The following ZSCAN5A variants were observed in gnomAD, a reference collection of about 807,000 sequenced individuals.
ZSCAN5A encodes the protein zinc finger and SCAN domain-containing protein 5A.
ZSCAN5A carries 12 observed loss-of-function variants against 23.7 expected under a neutral mutation model. That is an observed-to-expected ratio of 0.51 (90% CI 0.32 to 0.82). The LOEUF (loss-of-function observed/expected upper bound fraction) is 0.82, where lower values mean the gene tolerates loss of function less well. Ranked by LOEUF, ZSCAN5A falls within the 40% of genes least tolerant of loss-of-function variation. ZSCAN5A has a pLI of 0.03. For synonymous variants in ZSCAN5A, 257 were observed against 239.9 expected, an observed-to-expected ratio of 1.07 and a Z score of -0.66; for missense variants, 597 against 617.9, an observed-to-expected ratio of 0.97 and a Z score of 0.36.
chr19:56,346,969 C>T (rs1025630919), intron 2 of ZSCAN5A: 6 of 152,358 alleles, frequency 3.9e-5, no homozygotes, highest in African/African-American at 9.6e-5. Context: ...CCTCGTTATC[C>T]GCCTGCCTCG....
intron 2 of ZSCAN5A, among the ~76,000 whole-genome samples, chr19:56,240,380 G>A (rs973261194): frequency 6.6e-6 from 1 of 152,142 alleles, no homozygotes; most frequent in Non-Finnish European, 1.5e-5. Context: ...CACCTAAAAT[G>A]GATTACGTGG....
At chr19:56,340,383 T>C (rs1038283219) in intron 2 of ZSCAN5A, among the ~76,000 whole-genome samples, 3 of 152,198 alleles carry the variant, frequency 2.0e-5, no homozygotes, top group Non-Finnish European at 4.4e-5. Context: ...GAAGCAGAGT[T>C]CTAAGGTTAG....
intron 2 of ZSCAN5A, among the ~76,000 whole-genome samples, chr19:56,256,100 A>G (rs1223923207): frequency 6.6e-6 from 1 of 152,274 alleles, no homozygotes; most frequent in Non-Finnish European, 1.5e-5. Flanking sequence ...AAGAACAGTC[A>G]GGAGGAAATG....
At chr19:56,276,699 G>A (rs112311939) in intron 2 of ZSCAN5A, among the ~76,000 whole-genome samples, 109 of 151,828 alleles carry the variant, frequency 7.2e-4, no homozygotes, top group African/African-American at 2.5e-3. Context: ...CACCATGCCC[G>A]GCTAATTTTG....
At chr19:56,355,572 C>T (rs1379002139) in intron 2 of ZSCAN5A, among the ~76,000 whole-genome samples, 2 of 148,378 alleles carry the variant, frequency 1.3e-5, no homozygotes, top group East Asian at 1.9e-4. Context: ...CAACAATAGC[C>T]CAAGACCAAG....
At chr19:56,336,896 C>T (rs1311848665) in intron 2 of ZSCAN5A, among the ~76,000 whole-genome samples, 4 of 152,154 alleles carry the variant, frequency 2.6e-5, no homozygotes, top group East Asian at 1.9e-4. Flanking sequence ...TGCAGAACAG[C>T]GGATATTGGT....
At chr19:56,274,375 A>C (rs2038090008) in intron 2 of ZSCAN5A, 1 of 151,474 alleles carries the variant, frequency 6.6e-6, no homozygotes, top group African/African-American at 2.4e-5. Context: ...AATCGCTTGA[A>C]CTCAGGAGGT....
In ZSCAN5A at chr19:56,352,336, G is replaced by A. The variant is rs1422753176; in HGVS notation, c.-358+10899C>T. ...CATAATGCAAATGAATGTGATTACT[G>A]GGGCACTGTAGAGACAGAGAGAGAC... On this transcript the variant is annotated intron_variant, in intron 2 of 6. Coordinates refer to the ZSCAN5A transcript ENST00000587340. This position sits in a 1 kb window ranked among gnomAD's most constrained non-coding sequence, Gnocchi z 4.2. 6.6e-6 allele frequency among the ~76,000 whole-genome samples: 1 copy of A among 152,166 alleles called. No homozygotes were observed. Among genetic ancestry groups the A allele is most frequent in the Non-Finnish European group, 1.5e-5 (1 of 68,040 alleles).
intron 2 of ZSCAN5A, among the ~76,000 whole-genome samples, chr19:56,280,398 C>G (rs1023753304): frequency 1.3e-5 from 2 of 152,132 alleles, no homozygotes; most frequent in Admixed American, 1.3e-4. Context: ...TTTAAATAAT[C>G]CTTCAAAGAA....
At chr19:56,237,765 T>C (rs1208359188) in intron 2 of ZSCAN5A, among the ~76,000 whole-genome samples, 2 of 151,550 alleles carry the variant, frequency 1.3e-5, no homozygotes, top group Non-Finnish European at 2.9e-5. Flanking sequence ...ACAAATAATA[T>C]AAAAATTAGC....
chr19:56,318,616 G>A (rs1189263409), upstream of ZSCAN5A, among the ~76,000 whole-genome samples: 1 of 152,126 alleles, frequency 6.6e-6, no homozygotes, highest in African/African-American at 2.4e-5. Context: ...TAGCATCACT[G>A]ACTTTAATAT....
Position 56,222,179 on chromosome 19 carries a change from C to G in ZSCAN5A, c.887G>C (p.Ser296Thr). 1 of 1,614,036 alleles carries G rather than the reference C, an allele frequency of 6.2e-7. No individual in the cohort carries two copies. Among genetic ancestry groups the G allele is most frequent in the Non-Finnish European group, 8.5e-7 (1 of 1,180,006 alleles). Residue 296 changes from serine to threonine, a missense_variant, in exon 6 of 6, where the codon AGT becomes ACT. This residue lies in a region of ZSCAN5A where 406 missense variants were observed against 353.2 expected (regional missense o/e 1.15). Transcript: ENST00000683990. ...GNRGDALNLSSPKRSKPDASS... is the reference protein window; with the variant it reads ...GNRGDALNLSTPKRSKPDASS... ...GGCATCTGGTTTGCTTCTTTTGGGA[C>G]TGCTCAGATTCAGAGCGTCTCCTCT...
chr19:56,222,241 G>A lies in ZSCAN5A; in HGVS notation c.825C>T (p.Cys275=), dbSNP rs1436693020. ...GAGTCGAAGCTTCTCTCTCCACAAC[G>A]CAGGCAGAAGGTGTGTCAGCATCCA... ...ENVDADTPSA[C]VVEREASTHS... Residue 275 remains cysteine (C), a synonymous_variant, in exon 6 of 6, where the codon TGC becomes TGT. Transcript: ENST00000683990. The A allele has an allele frequency of 3.7e-6, 6 of 1,613,718 alleles. No individual in the cohort carries two copies. The highest frequency in any genetic ancestry group is 4.5e-5 in the East Asian group (2 of 44,886).
upstream of ZSCAN5A, chr19:56,316,354 C>T (rs1481352874): frequency 6.6e-6 from 1 of 152,340 alleles, no homozygotes; most frequent in Non-Finnish European, 1.5e-5. Context: ...CCGTCATCTT[C>T]ACAGACCTCA....
At chr19:56,238,742 T>C (rs143728456) in intron 2 of ZSCAN5A, among the ~76,000 whole-genome samples, 2 of 152,124 alleles carry the variant, frequency 1.3e-5, no homozygotes, top group Non-Finnish European at 1.5e-5. Flanking sequence ...AATGGAAAGA[T>C]AGTCCATGTT....
At chr19:56,279,678 C>T (rs574119318) in intron 2 of ZSCAN5A, among the ~76,000 whole-genome samples, 12 of 152,258 alleles carry the variant, frequency 7.9e-5, no homozygotes, top group African/African-American at 2.6e-4. Context: ...ACTTGGTGAG[C>T]TAAAATGCCT....
chr19:56,359,517 A>G (rs1261056006), intron 2 of ZSCAN5A, among the ~76,000 whole-genome samples: 2 of 152,208 alleles, frequency 1.3e-5, no homozygotes, highest in Admixed American at 1.3e-4. Context: ...GAGCTGGTAC[A>G]TTTCTTCTGT....
Position 56,223,145 on chromosome 19 carries a change from A to G in ZSCAN5A, c.589-404T>C, listed in dbSNP as rs543559448. ...CGCTCCTGTGCAGAGCAGAGACCCC[A>G]CCTCCACCCTCTAGATGCTATTAAC... On this transcript the variant is annotated intron_variant, in intron 4 of 5. Transcript: ENST00000683990. Among the ~76,000 whole-genome samples the G allele has an allele frequency of 4.3e-3, 646 of 151,868 alleles. 3 individuals carry two copies. Among genetic ancestry groups the G allele is most frequent in the South Asian group, 9.6e-3 (46 of 4,798 alleles).
chr19:56,303,267 C>G (rs2040466017), intron 2 of ZSCAN5A, among the ~76,000 whole-genome samples: 1 of 152,014 alleles, frequency 6.6e-6, no homozygotes, highest in Non-Finnish European at 1.5e-5. Context: ...ATCACGAGGT[C>G]AGGAGTTCAA....
Sources: gnomAD v4.1 joint callset for allele counts (sites outside exome capture counted in the v4.1 genomes callset) on GRCh38, gnomAD v4.1.1 for gene constraint, gnomAD v4.1.1 regional missense constraint, Gnocchi (gnomAD v3.1) non-coding constraint, MANE v1.5 for transcripts, NCBI Gene and HGNC (gene_info 2026-07-23, HGNC 2026-07-21) for gene names.